Variants in RAP1GAP2 observed in about 807,000 individuals in gnomAD.
The protein encoded by RAP1GAP2 is RAP1 GTPase activating protein 2, also known as rap1 GTPase-activating protein 2.
Under a neutral mutation model 95.0 loss-of-function variants are expected in RAP1GAP2, and 27 were observed. The ratio of observed to expected loss-of-function variants is 0.28; its 90% CI spans 0.21 to 0.39. RAP1GAP2 has a LOEUF of 0.39. Among genes scored for constraint, RAP1GAP2 ranks in the 10% least tolerant of loss-of-function variants. The pLI, the probability that RAP1GAP2 is intolerant of heterozygous loss-of-function variation, is 1.00. For missense variants in RAP1GAP2, 771 were observed against 970.0 expected (o/e 0.79, Z 2.72); for synonymous variants, 373 against 380.9 (o/e 0.98, Z 0.24).
At chr17:2,802,132 G>C (rs2069328121) in intron 2 of RAP1GAP2, among the ~76,000 whole-genome samples, 1 of 152,132 alleles carries the variant, frequency 6.6e-6, no homozygotes, top group South Asian at 2.1e-4. Flanking sequence ...TCCTTCCGAG[G>C]CAGCTTCTCT....
rs751987725 is a variant in RAP1GAP2, at chr17:2,957,726, CTG to C, written c.166-31_166-30del. On this transcript the variant is annotated intron_variant, in intron 3 of 24. Coordinates refer to ENST00000254695, the MANE Select transcript of RAP1GAP2 (RefSeq NM_015085.5). ...TTGCTGTGGACCTCCCGGCTGATCC[CTG>C]TCTTTCTGTCCCCCTGCTTTTGTCT... 1.2e-5 allele frequency: 19 copies of C among 1,602,946 alleles called. No individual in the cohort carries two copies. In the African/African-American group the frequency reaches 1.7e-4, roughly 15 times the overall value.
intron 2 of RAP1GAP2, among the ~76,000 whole-genome samples, chr17:2,826,568 T>C (rs2070575090): frequency 1.3e-5 from 2 of 151,748 alleles, no homozygotes; most frequent in South Asian, 2.1e-4. Context: ...TGGGGATGGA[T>C]TGCGGAAGGG....
At chr17:2,882,902 C>T (rs536276015) in intron 2 of RAP1GAP2, among the ~76,000 whole-genome samples, 4 of 152,224 alleles carry the variant, frequency 2.6e-5, no homozygotes, top group Non-Finnish European at 5.9e-5. Context: ...GGCACACCGT[C>T]GGTGCTTTAC....
chr17:2,790,485 G>T (rs1285345145), intron 1 of RAP1GAP2, among the ~76,000 whole-genome samples: 1 of 152,150 alleles, frequency 6.6e-6, no homozygotes, highest in Non-Finnish European at 1.5e-5. Flanking sequence ...TCTCCCCTTG[G>T]ATGACTAGTA....
At chr17:2,928,131 T>C (rs996601420) in intron 3 of RAP1GAP2, among the ~76,000 whole-genome samples, 7 of 152,178 alleles carry the variant, frequency 4.6e-5, no homozygotes, top group Middle Eastern at 3.2e-3. Flanking sequence ...AAAAGACTTA[T>C]GTTAAGCTTT....
chr17:2,859,255 C>T (rs1194447443), intron 2 of RAP1GAP2, among the ~76,000 whole-genome samples: 5 of 151,332 alleles, frequency 3.3e-5, no homozygotes, highest in Admixed American at 6.6e-5. Context: ...GGATTACAGG[C>T]GCCTGTCACT....
At chr17:3,028,232 C>T (rs772301882) in intron 22 of RAP1GAP2, among the ~76,000 whole-genome samples, 32 of 152,052 alleles carry the variant, frequency 2.1e-4, no homozygotes, top group Non-Finnish European at 1.0e-4. Flanking sequence ...CTGTTAACCT[C>T]GGTGTTGGTT....
At chr17:2,911,867 T>A (rs12453370) in intron 3 of RAP1GAP2, among the ~76,000 whole-genome samples, 7,156 of 152,238 alleles carry the variant, frequency 0.047, 270 homozygotes, top group South Asian at 0.12. Context: ...TTCACTGAAG[T>A]CCACTCTGCT....
chr17:2,979,089 A>G (rs1181626303), intron 8 of RAP1GAP2, among the ~76,000 whole-genome samples: 1 of 152,224 alleles, frequency 6.6e-6, no homozygotes, highest in African/African-American at 2.4e-5. Context: ...CTCAACAGAA[A>G]TGTAATTCAC....
chr17:2,791,759 G>A (rs995901543), upstream of RAP1GAP2, among the ~76,000 whole-genome samples: 1 of 152,120 alleles, frequency 6.6e-6, no homozygotes, highest in Non-Finnish European at 1.5e-5. Flanking sequence ...TCTCCCCGCT[G>A]GCTGCTGAGA....
chr17:2,835,139 G>A (rs955817906), intron 2 of RAP1GAP2, among the ~76,000 whole-genome samples: 1 of 150,864 alleles, frequency 6.6e-6, no homozygotes, highest in African/African-American at 2.4e-5. Context: ...AGCCAGGATG[G>A]TCTCGATCTC....
At chr17:2,756,670 C>T (rs2151751913) in intron 1 of RAP1GAP2, among the ~76,000 whole-genome samples, 1 of 152,270 alleles carries the variant, frequency 6.6e-6, no homozygotes, top group Non-Finnish European at 1.5e-5. Context: ...TCAGAGAGCA[C>T]CTCTGAAGGT....
At chr17:2,957,148 A>G (rs1228597839) in intron 3 of RAP1GAP2, among the ~76,000 whole-genome samples, 2 of 151,142 alleles carry the variant, frequency 1.3e-5, no homozygotes, top group Non-Finnish European at 3.0e-5. Flanking sequence ...AAAAAGAAAA[A>G]AAAAATCCCT....
At chr17:2,935,907 C>T (rs2034101) in intron 3 of RAP1GAP2, among the ~76,000 whole-genome samples, 3,554 of 152,172 alleles carry the variant, frequency 0.023, 126 homozygotes, top group African/African-American at 0.081. Context: ...GCCGATCTGG[C>T]GGGTTTGCTC....
intron 12 of RAP1GAP2, among the ~76,000 whole-genome samples, chr17:2,994,892 C>T (rs2045900271): frequency 1.3e-5 from 2 of 152,224 alleles, no homozygotes; most frequent in South Asian, 4.1e-4. Context: ...CGGCTCACTG[C>T]AACCTCCACC....
chr17:3,029,001 T>A lies in RAP1GAP2; in HGVS notation c.2108-1921T>A, dbSNP rs1404192717. Among the ~76,000 whole-genome samples the A allele has an allele frequency of 6.6e-6, 1 of 152,178 alleles. No individual in the cohort carries two copies. Among genetic ancestry groups the A allele is most frequent in the South Asian group, 2.1e-4 (1 of 4,830 alleles). On this transcript the variant is annotated intron_variant, in intron 22 of 24. Coordinates refer to ENST00000254695, the MANE Select transcript of RAP1GAP2 (RefSeq NM_015085.5). The surrounding 1 kb of genome is among the most constrained non-coding windows in gnomAD (Gnocchi z 4.4). ...TTTTAGTAGAGACACAGTTTCACCATGTTGGCCAGGCTGGTCTCGAACTCC... is the reference window on the plus strand; with the variant it reads ...TTTTAGTAGAGACACAGTTTCACCAAGTTGGCCAGGCTGGTCTCGAACTCC...
At chr17:2,786,457 G>C (rs1006935420) in intron 1 of RAP1GAP2, among the ~76,000 whole-genome samples, 2 of 152,210 alleles carry the variant, frequency 1.3e-5, no homozygotes, top group African/African-American at 4.8e-5. Flanking sequence ...TGCCTGCAGA[G>C]GGCGCAAACG....
At chr17:2,852,070 G>A (rs750807169) in intron 2 of RAP1GAP2, among the ~76,000 whole-genome samples, 2 of 152,276 alleles carry the variant, frequency 1.3e-5, no homozygotes, top group South Asian at 2.1e-4. Flanking sequence ...GTGGGTCCTC[G>A]GGTGCTGTGT....
chr17:2,881,215 C>T (rs778817203), intron 2 of RAP1GAP2, among the ~76,000 whole-genome samples: 9 of 151,014 alleles, frequency 6.0e-5, no homozygotes, highest in African/African-American at 1.7e-4. Context: ...GAGCCGAGAT[C>T]GTGCCACTGC....
Sources: allele counts gnomAD v4.1 joint callset (sites outside exome capture counted in the v4.1 genomes callset), GRCh38; gene constraint gnomAD v4.1.1; non-coding constraint Gnocchi (gnomAD v3.1); transcripts MANE v1.5; gene names NCBI Gene and HGNC (gene_info 2026-07-23, HGNC 2026-07-21).